The following GRM7 variants were observed in gnomAD, a reference collection of about 807,000 sequenced individuals.
GRM7 encodes the protein metabotropic glutamate receptor 7.
Under a neutral mutation model 84.5 loss-of-function variants are expected in GRM7, and 35 were observed. The ratio of observed to expected loss-of-function variants is 0.41; its 90% CI spans 0.32 to 0.55. The LOEUF is 0.55. Among genes scored for constraint, GRM7 ranks in the 20% least tolerant of loss-of-function variants. GRM7 has a pLI of 0.19. For synonymous variants in GRM7, 487 were observed against 455.1 expected (o/e 1.07, Z -0.89); for missense variants, 1,003 against 1,194.6 (o/e 0.84, Z 2.36).
At chr3:7,493,859 G>C (rs939219002) in intron 7 of GRM7, among the ~76,000 whole-genome samples, 2 of 151,758 alleles carry the variant, frequency 1.3e-5, no homozygotes, top group Non-Finnish European at 2.9e-5. Context: ...AGTTGTTCTG[G>C]GTATTAAAAT....
chr3:7,357,019 T>C (rs1379107263), intron 4 of GRM7, among the ~76,000 whole-genome samples: 4 of 149,804 alleles, frequency 2.7e-5, no homozygotes, highest in Admixed American at 2.0e-4. Flanking sequence ...ATAATATATA[T>C]TTGATATAAA....
Position 7,078,076 on chromosome 3 carries a change from G to A in GRM7, c.520-68376G>A, listed in dbSNP as rs117485583. ...AATGAATGGGCCTGACTGTGTTTCA[G>A]TGCTGCCTGCAGGCCATAGCTTGCT... is the stretch of plus-strand genomic sequence containing the variant. On this transcript the variant is annotated intron_variant, in intron 1 of 9. Transcript: ENST00000357716. Among the ~76,000 whole-genome samples the A allele has an allele frequency of 1.2e-4, 18 of 152,292 alleles. No individual in the cohort carries two copies. In the East Asian group the frequency reaches 3.5e-3, roughly 29 times the overall value.
chr3:7,048,395 G>C (rs1280107361), intron 1 of GRM7, among the ~76,000 whole-genome samples: 1 of 151,670 alleles, frequency 6.6e-6, no homozygotes, highest in East Asian at 1.9e-4. Context: ...AGTGTTTGTA[G>C]TGTTCACATT....
At chr3:7,484,772 C>G (rs888500250) in intron 7 of GRM7, among the ~76,000 whole-genome samples, 31 of 152,182 alleles carry the variant, frequency 2.0e-4, no homozygotes, top group African/African-American at 7.5e-4. Context: ...CTCCTTACCT[C>G]CTGGGATGCA....
At chr3:7,349,375 T>G (rs1021246661) in intron 4 of GRM7, among the ~76,000 whole-genome samples, 6 of 152,162 alleles carry the variant, frequency 3.9e-5, no homozygotes, top group Non-Finnish European at 8.8e-5. Flanking sequence ...GGGCTTGTCA[T>G]GCAGAACTCA....
chr3:7,381,515 A>G (rs186743948), intron 4 of GRM7, among the ~76,000 whole-genome samples: 21 of 152,286 alleles, frequency 1.4e-4, no homozygotes, highest in African/African-American at 5.1e-4. Context: ...GTATATAAAT[A>G]TAAACTAAGT....
chr3:7,109,820 A>G (rs149682536), intron 1 of GRM7, among the ~76,000 whole-genome samples: 4 of 152,272 alleles, frequency 2.6e-5, no homozygotes, highest in South Asian at 2.1e-4. Flanking sequence ...GCAAGTAATT[A>G]TTACAATTTC....
chr3:7,525,426 C>A (rs1451297587), intron 7 of GRM7, among the ~76,000 whole-genome samples: 2 of 151,970 alleles, frequency 1.3e-5, no homozygotes, highest in Middle Eastern at 3.2e-3. Flanking sequence ...CCTATGTTAC[C>A]CAGGCTGGTT....
chr3:6,872,292 A>T (rs1695147159), intron 1 of GRM7, among the ~76,000 whole-genome samples: 1 of 152,152 alleles, frequency 6.6e-6, no homozygotes, highest in Admixed American at 6.5e-5. Context: ...GAGGCAAAGT[A>T]CATTGTTTTT....
At position 6,990,114 on chromosome 3, in the gene GRM7, G is replaced by T. The variant is rs1317586898; in HGVS notation, c.519+128207G>T. ...CTGCTCACTATTTATGCCAGCAGGG[G>T]CTCCCTGTGGATGTTAGAGACAGGC... is the stretch of plus-strand genomic sequence containing the variant. On this transcript the variant is annotated intron_variant, in intron 1 of 9. Transcript: ENST00000357716. 2.0e-5 allele frequency among the ~76,000 whole-genome samples: 3 copies of T among 152,302 alleles called. No individual in the cohort carries two copies. In the East Asian group the frequency reaches 5.8e-4, roughly 29 times the overall value.
chr3:7,595,353 T>C (rs1455069521), intron 8 of GRM7, among the ~76,000 whole-genome samples: 1 of 152,156 alleles, frequency 6.6e-6, no homozygotes, highest in Non-Finnish European at 1.5e-5. Context: ...ATGAGAAGGA[T>C]GTAGAAGCAA....
chr3:7,409,449 G>T (rs73810623), intron 4 of GRM7, among the ~76,000 whole-genome samples: 1 of 151,314 alleles, frequency 6.6e-6, no homozygotes, highest in African/African-American at 2.4e-5. Flanking sequence ...GGGGTGGGGG[G>T]TAGCTATTTT....
intron 5 of GRM7, among the ~76,000 whole-genome samples, chr3:7,435,923 C>T (rs1432169135): frequency 5.7e-5 from 8 of 139,932 alleles, no homozygotes; most frequent in African/African-American, 1.6e-4. Flanking sequence ...AGGATGGTCT[C>T]CATCTCCTGA....
chr3:7,308,357 C>T (rs957824635), intron 4 of GRM7, among the ~76,000 whole-genome samples: 4 of 112,668 alleles, frequency 3.6e-5, no homozygotes, highest in African/African-American at 1.1e-4. Context: ...GCATCCCACA[C>T]ATCTCCTACT....
intron 7 of GRM7, among the ~76,000 whole-genome samples, chr3:7,565,439 G>C (rs1314853547): frequency 6.6e-6 from 1 of 152,158 alleles, no homozygotes; most frequent in South Asian, 2.1e-4. Flanking sequence ...GCTGTGAAGA[G>C]GTATCTTTAT....
chr3:7,008,811 T>C (rs1352375409), intron 1 of GRM7, among the ~76,000 whole-genome samples: 1 of 152,178 alleles, frequency 6.6e-6, no homozygotes, highest in Non-Finnish European at 1.5e-5. Context: ...TCTCCTTTTT[T>C]CTTGGAAGAA....
chr3:7,452,731 C>T lies in GRM7; in HGVS notation c.1299C>T (p.Tyr433=), dbSNP rs758214571. 1.9e-6 allele frequency: 3 copies of T among 1,613,360 alleles called. No individual in the cohort carries two copies. The South Asian group carries it at 3.3e-5, about 18-fold the overall frequency. Residue 433 remains tyrosine, a synonymous_variant, in exon 6 of 10, where the codon TAC becomes TAT. Coordinates refer to ENST00000357716, the MANE Select transcript of GRM7 (RefSeq NM_000844.4). ...TGAACAAGGATCTCTGTGCTGACTA[C>T]CGGGGTGTCTGCCCAGAGATGGAGC... ...HHMNKDLCAD[Y]RGVCPEMEQA...
intron 1 of GRM7, among the ~76,000 whole-genome samples, chr3:7,050,348 A>G (rs1446449036): frequency 6.6e-6 from 1 of 151,868 alleles, no homozygotes; most frequent in African/African-American, 2.4e-5. Flanking sequence ...AACACCCTAT[A>G]AGAATCTCAT....
chr3:7,705,355 T>C (rs1440540824), intron 9 of GRM7, among the ~76,000 whole-genome samples: 1 of 152,126 alleles, frequency 6.6e-6, no homozygotes, highest in African/African-American at 2.4e-5. Flanking sequence ...ACAATCATTA[T>C]CTAAACAAAG....
Sources: allele counts gnomAD v4.1 joint callset (sites outside exome capture counted in the v4.1 genomes callset), GRCh38; gene constraint gnomAD v4.1.1; transcripts MANE v1.5; gene names NCBI Gene and HGNC (gene_info 2026-07-23, HGNC 2026-07-21).